ZNF385D: variants seen among roughly 807,000 people sequenced by gnomAD.
The protein encoded by ZNF385D is zinc finger protein 659.
In ZNF385D, 15 loss-of-function variants were observed where a neutral mutation model predicts 35.8. The ratio of observed to expected loss-of-function variants is 0.42; its 90% CI spans 0.28 to 0.64. The LOEUF is 0.64. Ranked by LOEUF, ZNF385D falls within the 30% of genes least tolerant of loss-of-function variation. The pLI is 0.23. For missense variants in ZNF385D, 474 were observed against 494.6 expected (o/e 0.96, Z 0.39); for synonymous variants, 212 against 186.8 (o/e 1.13, Z -1.10).
chr3:21,818,532 A>T (rs1391146476), intron 3 of ZNF385D, among the ~76,000 whole-genome samples: 1 of 152,172 alleles, frequency 6.6e-6, no homozygotes, highest in African/African-American at 2.4e-5. Context: ...TAAAAAGCCT[A>T]TTTCTCAGAG....
intron 2 of ZNF385D, among the ~76,000 whole-genome samples, chr3:21,613,751 C>A (rs139855361): frequency 6.6e-6 from 1 of 152,312 alleles, no homozygotes; most frequent in African/African-American, 2.4e-5. Context: ...GTGAATGAAT[C>A]ATAGAAACAT....
chr3:22,109,069 A>G (rs528172332), intron 3 of ZNF385D, among the ~76,000 whole-genome samples: 51 of 152,322 alleles, frequency 3.3e-4, no homozygotes, highest in African/African-American at 9.9e-4. Context: ...GACGCAATAC[A>G]TAGTAATTAT....
intron 1 of ZNF385D, among the ~76,000 whole-genome samples, chr3:21,740,982 G>T (rs1174110303): frequency 6.6e-6 from 1 of 152,262 alleles, no homozygotes; most frequent in East Asian, 1.9e-4. Context: ...TACAGCCAGG[G>T]TTTAGATCCA....
chr3:22,002,815 A>T (rs148052613), intron 3 of ZNF385D, among the ~76,000 whole-genome samples: 2 of 152,340 alleles, frequency 1.3e-5, no homozygotes, highest in East Asian at 3.9e-4. Flanking sequence ...GATACATTAC[A>T]TTAACAAAAT....
In ZNF385D at chr3:21,539,066, A is replaced by G. The variant is rs1268292220; in HGVS notation, c.276+25508T>C. 6.6e-6 allele frequency among the ~76,000 whole-genome samples: 1 copy of G among 152,078 alleles called. No individual in the cohort carries two copies. Among genetic ancestry groups the G allele is most frequent in the East Asian group, 1.9e-4 (1 of 5,184 alleles). ...TCTGAGAAGAGATGAACTAGTTTTC[A>G]GCTAATACGGAACAAAGGGAGTGGG... On this transcript the variant is annotated intron_variant, in intron 3 of 7. Coordinates refer to ENST00000281523, the MANE Select transcript of ZNF385D (RefSeq NM_024697.3). The surrounding 1 kb of genome is among the most constrained non-coding windows in gnomAD (Gnocchi z 4.0).
chr3:21,990,423 C>A (rs2125393851), intron 3 of ZNF385D, among the ~76,000 whole-genome samples: 1 of 152,280 alleles, frequency 6.6e-6, no homozygotes, highest in African/African-American at 2.4e-5. Flanking sequence ...CTAGCAAGAG[C>A]TCATAATATT....
At chr3:21,895,040 G>A (rs259498) in intron 3 of ZNF385D, among the ~76,000 whole-genome samples, 60,645 of 151,800 alleles carry the variant, frequency 0.4, 12,668 homozygotes, top group African/African-American at 0.49. Flanking sequence ...TAGCAGATAG[G>A]CCAGGGAGAG....
At position 21,547,620 on chromosome 3, in the gene ZNF385D, G is replaced by GT. The variant is rs113689036; in HGVS notation, c.276+16953dup. 7.6e-3 allele frequency among the ~76,000 whole-genome samples: 1,077 copies of GT among 141,062 alleles called. 7 individuals carry two copies. The highest frequency in any genetic ancestry group is 0.013 in the African/African-American group (520 of 38,888). The allele number at this position is 141,062 out of a possible 152,430, so 92.5% of individuals were successfully genotyped here. On this transcript the variant is annotated intron_variant, in intron 3 of 7. Transcript: ENST00000281523. ...TTAGATGTACTTTTTGTTTTGTTTT[G>GT]TTTTTTTTTTTTTGAGACAAGAGTC...
chr3:21,688,812 T>C (rs187792444), intron 1 of ZNF385D, among the ~76,000 whole-genome samples: 14 of 152,316 alleles, frequency 9.2e-5, no homozygotes, highest in African/African-American at 3.4e-4. Context: ...CTTTGTATTA[T>C]ACCATATGTT....
chr3:21,567,392 A>G (rs2063186557), intron 2 of ZNF385D, among the ~76,000 whole-genome samples: 2 of 152,084 alleles, frequency 1.3e-5, no homozygotes, highest in African/African-American at 4.8e-5. Context: ...ATCTTTTATT[A>G]TTTCCCCAGA....
At chr3:22,341,389 T>C (rs1222286432) in intron 2 of ZNF385D, among the ~76,000 whole-genome samples, 1 of 152,186 alleles carries the variant, frequency 6.6e-6, no homozygotes, top group Non-Finnish European at 1.5e-5. Flanking sequence ...TGAGGAGTTG[T>C]GACAGAGATC....
rs192819304 is a variant in ZNF385D, at chr3:21,559,025, A to G, written c.276+5549T>C. ...TTTTTTGCTGTCCATTTGCTTAGTA[A>G]ATATTCCTCCTACCCTTTATTTTGA... On this transcript the variant is annotated intron_variant, in intron 3 of 7. Transcript: ENST00000281523. Among the ~76,000 whole-genome samples the G allele has an allele frequency of 4.5e-3, 618 of 137,996 alleles. 1 individual carries two copies. The highest frequency in any genetic ancestry group is 0.016 in the Middle Eastern group (4 of 246). The allele number at this position is 137,996 out of a possible 152,430, so 90.5% of individuals were successfully genotyped here.
intron 3 of ZNF385D, among the ~76,000 whole-genome samples, chr3:22,131,364 A>G (rs1703774348): frequency 6.6e-6 from 1 of 152,174 alleles, no homozygotes; most frequent in South Asian, 2.1e-4. Context: ...TATTTGGAGT[A>G]GATTAAAAAA....
intron 2 of ZNF385D, among the ~76,000 whole-genome samples, chr3:22,171,995 A>G (rs950172619): frequency 6.6e-6 from 1 of 152,192 alleles, no homozygotes. Context: ...CCAATATGGT[A>G]AAAACGACAT....
chr3:22,040,746 C>A (rs2125503450), intron 3 of ZNF385D, among the ~76,000 whole-genome samples: 1 of 152,056 alleles, frequency 6.6e-6, no homozygotes, highest in East Asian at 1.9e-4. Context: ...GCTGATGCTG[C>A]AAAGCTAGGA....
chr3:21,561,549 G>C (rs113309129), intron 3 of ZNF385D, among the ~76,000 whole-genome samples: 5 of 152,136 alleles, frequency 3.3e-5, no homozygotes, highest in Admixed American at 3.3e-4. Context: ...TGCCTTCTGC[G>C]TTGATCTCAC....
chr3:21,558,892 G>T (rs957966155), intron 3 of ZNF385D, among the ~76,000 whole-genome samples: 2 of 151,346 alleles, frequency 1.3e-5, no homozygotes, highest in Admixed American at 1.3e-4. Context: ...TCTTCTTGTT[G>T]TATTGATCCC....
At chr3:21,812,695 G>A (rs1575696814) in intron 3 of ZNF385D, among the ~76,000 whole-genome samples, 1 of 152,230 alleles carries the variant, frequency 6.6e-6, no homozygotes, top group African/African-American at 2.4e-5. Context: ...CAAAGCAGCT[G>A]GGAAGCTCGA....
At chr3:22,210,416 A>T (rs1004465378) in intron 2 of ZNF385D, among the ~76,000 whole-genome samples, 4 of 151,890 alleles carry the variant, frequency 2.6e-5, no homozygotes, top group Admixed American at 6.6e-5. Flanking sequence ...AATTTTATTT[A>T]ACACGAATCA....
Sources: allele counts gnomAD v4.1 joint callset (sites outside exome capture counted in the v4.1 genomes callset), GRCh38; gene constraint gnomAD v4.1.1; non-coding constraint Gnocchi (gnomAD v3.1); transcripts MANE v1.5; gene names NCBI Gene and HGNC (gene_info 2026-07-23, HGNC 2026-07-21).